Variants in SERINC2 observed in about 807,000 individuals in gnomAD.
SERINC2 encodes the protein serine incorporator 2, also known as tumor differentially expressed protein 2.
A neutral mutation model predicts 54.2 loss-of-function variants in SERINC2; 56 were observed. That is an observed-to-expected ratio of 1.03 (90% CI 0.83 to 1.29). SERINC2 has a LOEUF of 1.29. Among genes scored for constraint, SERINC2 ranks in the 50% most tolerant of loss-of-function variants. The pLI is 0.00. For missense variants in SERINC2, 614 were observed against 607.4 expected, an observed-to-expected ratio of 1.01 and a Z score of -0.12; for synonymous variants, 272 against 253.1, an observed-to-expected ratio of 1.07 and a Z score of -0.71.
intron 3 of SERINC2, 141 bp from the exon 4 acceptor site, chr1:31,425,189 A>G (rs1272400917): frequency 5.5e-6 from 4 of 732,528 alleles, no homozygotes; most frequent in Non-Finnish European, 9.8e-6. Context: ...TTCTGTGCCT[A>G]TCAGACCACC....
chr1:31,429,737 T>C (rs1553134209), intron 8 of SERINC2, among the ~76,000 whole-genome samples, 199 bp downstream of exon 8: 1 of 152,228 alleles, frequency 6.6e-6, no homozygotes, highest in African/African-American at 2.4e-5. Flanking sequence ...AGGCGTGACC[T>C]TGCCTCCTGG....
At chr1:31,429,124 T>C (rs1485021468) in intron 7 of SERINC2, 56 bp downstream of exon 7, 6 of 1,477,134 alleles carry the variant, frequency 4.1e-6, no homozygotes. Flanking sequence ...TCAGTATCAG[T>C]CTACTGTGGG....
In SERINC2 at chr1:31,429,188, C is replaced by T; in HGVS notation, c.871+120C>T. The T allele has an allele frequency of 9.5e-6, 10 of 1,051,796 alleles. 2 individuals carry two copies. The South Asian group carries it at 1.1e-4, about 12-fold the overall frequency. 65.2% of individuals were successfully genotyped at this position (1,051,796 alleles called of 1,614,324 possible). The stretch of plus-strand genomic sequence containing the variant: ...ATCCCTGCTCCAGCCCATTCTGAGA[C>T]TCAGTCCTCCCATGAGATGGGAGGG... On this transcript the variant is annotated intron_variant, in intron 7 of 9. Transcript: ENST00000373709.
chr1:31,431,795 A>AGGGTGGATAGGATGGT (rs1557499798), intron 8 of SERINC2, among the ~76,000 whole-genome samples: 26 of 49,756 alleles, frequency 5.2e-4, no homozygotes, highest in Admixed American at 8.6e-4. Context: ...GATAGGGTGG[A>AGGGTGGATAGGATGGT]TAGGGTGGAC....
chr1:31,414,725 G>A (rs1255107063), intron 1 of SERINC2: 1 of 985,294 alleles, frequency 1.0e-6, no homozygotes, highest in Non-Finnish European at 1.2e-6. Context: ...TTTGCTTCCT[G>A]GTGAGGGAGG....
At chr1:31,414,445 G>GTGTGTC (rs1283548643) in intron 1 of SERINC2, 1 of 997,890 alleles carries the variant, frequency 1.0e-6, no homozygotes, top group Non-Finnish European at 1.2e-6. Context: ...GTGTGTGTGT[G>GTGTGTC]TGTGTGTGTG....
chr1:31,413,937 T>A lies in SERINC2; in HGVS notation c.39+633T>A. 6.6e-7 allele frequency: 1 copy of A among 1,522,994 alleles called. No individual in the cohort carries two copies. The highest frequency in any genetic ancestry group is 8.8e-7 in the Non-Finnish European group (1 of 1,141,768). 94.3% of individuals were successfully genotyped at this position (1,522,994 alleles called of 1,614,324 possible). A position where few individuals can be genotyped will look rare whatever the true frequency, so the allele number is the denominator to read the frequency against. On this transcript the variant is annotated intron_variant, in intron 1 of 9. Coordinates refer to ENST00000373709, the MANE Select transcript of SERINC2 (RefSeq NM_178865.5). This position sits in a 1 kb window ranked among gnomAD's most constrained non-coding sequence, Gnocchi z 5.0. ...TCTCTCTGCGGTCCCTTTACCGTCC[T>A]CAGTCTGGCTCGCGCTGCCTCTCAG... is the stretch of plus-strand genomic sequence containing the variant.
chr1:31,426,258 G>GACC, intron 5 of SERINC2, among the ~76,000 whole-genome samples: 1 of 152,174 alleles, frequency 6.6e-6, no homozygotes. Context: ...CAGTAGCAGG[G>GACC]TGAGTCCCTG....
rs190015583 is a variant in SERINC2 at position 31,432,917 on chromosome 1, T to C, written c.1014-50T>C. On this transcript the variant is annotated intron_variant, in intron 8 of 9. Coordinates refer to ENST00000373709, the MANE Select transcript of SERINC2 (RefSeq NM_178865.5). ...CTGGGACCATTTGTGTCCAGTGTTA[T>C]GAGCAACGCCAGAGCTATCTATTTG... The C allele has an allele frequency of 1.4e-4, 205 of 1,440,446 alleles. No individual in the cohort carries two copies. In the African/African-American group the frequency reaches 2.3e-3, roughly 16 times the overall value. 89.2% of individuals were successfully genotyped at this position (1,440,446 alleles called of 1,614,324 possible). A position where few individuals can be genotyped will look rare whatever the true frequency, so the allele number is the denominator to read the frequency against.
chr1:31,431,787 TAGGGTGGA>T (rs1641219190), intron 8 of SERINC2, among the ~76,000 whole-genome samples: 2 of 12,010 alleles, frequency 1.7e-4, no homozygotes, highest in South Asian at 2.2e-3. Flanking sequence ...ATAGGGTGGA[TAGGGTGGA>T]TAGGGTGGAC....
chr1:31,410,938 T>A (rs1640637736), upstream of SERINC2, among the ~76,000 whole-genome samples: 1 of 152,188 alleles, frequency 6.6e-6, no homozygotes. Context: ...GACTGCTTGG[T>A]GGCATTTCAG....
intron 8 of SERINC2, among the ~76,000 whole-genome samples, chr1:31,430,072 T>C (rs1372953612): frequency 6.6e-6 from 1 of 152,176 alleles, no homozygotes; most frequent in Non-Finnish European, 1.5e-5. Context: ...CATTTGAGCC[T>C]GGCATTGCCA....
intron 9 of SERINC2, 83 bp from the exon 10 acceptor site, chr1:31,433,981 C>A: frequency 1.4e-6 from 2 of 1,432,562 alleles, no homozygotes; most frequent in South Asian, 1.3e-5. Flanking sequence ...AGTCAGGGGT[C>A]ATAACTGGGA....
At chr1:31,410,223 C>G, upstream of SERINC2, 3 of 1,449,116 alleles carry the variant, frequency 2.1e-6, no homozygotes, top group Non-Finnish European at 2.7e-6. Context: ...GTGCAAGAGA[C>G]AGAGCTACTC....
intron 6 of SERINC2, among the ~76,000 whole-genome samples, chr1:31,428,765 C>A (rs1553133959): frequency 6.6e-6 from 1 of 152,004 alleles, no homozygotes; most frequent in African/African-American, 2.4e-5. Flanking sequence ...GGCAAGTAAT[C>A]TGAGGGGTGT....
chr1:31,420,214 G>A (rs1640873322), intron 1 of SERINC2, among the ~76,000 whole-genome samples: 1 of 152,152 alleles, frequency 6.6e-6, no homozygotes, highest in African/African-American at 2.4e-5. Flanking sequence ...ATGGAGCAAG[G>A]TGGACAAACA....
rs1301197828 is a variant in SERINC2 at position 31,423,694 on chromosome 1, C to T, written c.41C>T (p.Ala14Val). 8 of 1,607,148 alleles carry T rather than the reference C, an allele frequency of 5.0e-6. No individual in the cohort carries two copies. Among genetic ancestry groups the T allele is most frequent in the African/African-American group, 2.7e-5 (2 of 74,938 alleles). ...CLGACSLLSCASCLCGSAPCI... is the reference protein window; with the variant it reads ...CLGACSLLSCVSCLCGSAPCI... Reference sequence around the variant, plus strand: ...AAGAGTGACAGTGCCCTCCCGCAGGCGTCCTGCCTCTGCGGCTCTGCCCCC... The same window carrying T: ...AAGAGTGACAGTGCCCTCCCGCAGGTGTCCTGCCTCTGCGGCTCTGCCCCC... Residue 14 changes from alanine to valine, a missense_variant and splice_region_variant, in exon 2 of 10, where the codon GCG becomes GTG. By Grantham distance (64) the Ala-to-Val change is moderately conservative. Transcript: ENST00000373709.
intron 8 of SERINC2, among the ~76,000 whole-genome samples, chr1:31,431,830 GAT>G (rs1641230524): frequency 7.0e-6 from 1 of 143,618 alleles, no homozygotes; most frequent in Non-Finnish European, 1.5e-5. Flanking sequence ...GGATAGGGTG[GAT>G]AGGGTGGATA....
rs146307064 is a variant in SERINC2 at position 31,419,392 on chromosome 1, T to C, written c.40-4301T>C. On this transcript the variant is annotated intron_variant, in intron 1 of 9. Coordinates refer to ENST00000373709, the MANE Select transcript of SERINC2 (RefSeq NM_178865.5). The stretch of plus-strand genomic sequence containing the variant: ...ATAAAAATCTTTATTTTTATATTTG[T>C]AAATTTAACTTAATTGAAGTATTAT... 3.5e-3 allele frequency among the ~76,000 whole-genome samples: 531 copies of C among 152,372 alleles called. 3 individuals are homozygous for C. Among genetic ancestry groups the C allele is most frequent in the African/African-American group, 0.012 (515 of 41,588 alleles).
Sources: gnomAD v4.1 joint callset for allele counts (sites outside exome capture counted in the v4.1 genomes callset) on GRCh38, gnomAD v4.1.1 for gene constraint, Gnocchi (gnomAD v3.1) non-coding constraint, MANE v1.5 for transcripts, NCBI Gene and HGNC (gene_info 2026-07-23, HGNC 2026-07-21) for gene names.